Variants in SGCG observed in about 807,000 individuals in gnomAD.
The protein encoded by SGCG is gamma-sarcoglycan.
A neutral mutation model predicts 29.3 loss-of-function variants in SGCG; 26 were observed. That is an observed-to-expected ratio of 0.89 (90% CI 0.65 to 1.23). The LOEUF is 1.23. Ranked by LOEUF, SGCG falls within the 50% of genes most tolerant of loss-of-function variation. SGCG has a pLI of 0.00. For missense variants in SGCG, 353 were observed against 356.0 expected (o/e 0.99, Z 0.07); for synonymous variants, 145 against 129.7 (o/e 1.12, Z -0.80).
At position 23,293,700 on chromosome 13, in the gene SGCG, T is replaced by C. The variant is rs551790377; in HGVS notation, c.506-1715T>C. On this transcript the variant is annotated intron_variant, in intron 5 of 7. Transcript: ENST00000218867. ...ACAAAATATTAGCCGGGTGTGGTGG[T>C]GGGCACCTGTAGTCCCAGCTACTCA... Among the ~76,000 whole-genome samples the C allele has an allele frequency of 3.3e-3, 505 of 152,042 alleles. 5 individuals carry two copies. The highest frequency in any genetic ancestry group is 5.1e-3 in the Non-Finnish European group (346 of 67,956).
At chr13:23,224,961 A>G (rs906498512) in intron 2 of SGCG, among the ~76,000 whole-genome samples, 1 of 152,072 alleles carries the variant, frequency 6.6e-6, no homozygotes, top group Non-Finnish European at 1.5e-5. Flanking sequence ...CTTGCCAGTG[A>G]GCACGGTCCC....
At chr13:23,204,393 A>G (rs1314101743) in intron 2 of SGCG, among the ~76,000 whole-genome samples, 4 of 152,166 alleles carry the variant, frequency 2.6e-5, no homozygotes, top group African/African-American at 9.7e-5. Context: ...AAACATTCTT[A>G]TGTTTTAAAG....
At chr13:23,313,080 C>T (rs2137513107) in intron 6 of SGCG, among the ~76,000 whole-genome samples, 1 of 152,068 alleles carries the variant, frequency 6.6e-6, no homozygotes, top group South Asian at 2.1e-4. Flanking sequence ...GGTCTCTCAT[C>T]CTATTTGTAA....
intron 6 of SGCG, among the ~76,000 whole-genome samples, chr13:23,306,808 A>C (rs559547231): frequency 6.6e-5 from 10 of 152,352 alleles, no homozygotes; most frequent in Admixed American, 3.9e-4. Context: ...CATATCATCA[A>C]TTCAACAACT....
At chr13:23,201,886 T>C (rs147220221) in intron 1 of SGCG, among the ~76,000 whole-genome samples, 2 of 152,294 alleles carry the variant, frequency 1.3e-5, no homozygotes, top group African/African-American at 4.8e-5. Context: ...GTCTGTCCTT[T>C]ATAGGAATTC....
At chr13:23,243,277 A>T (rs549044636) in intron 3 of SGCG, among the ~76,000 whole-genome samples, 7 of 152,300 alleles carry the variant, frequency 4.6e-5, no homozygotes, top group Non-Finnish European at 8.8e-5. Flanking sequence ...CAGAGTATCT[A>T]CCAGCCACCC....
At chr13:23,210,908 G>C (rs942787877) in intron 2 of SGCG, among the ~76,000 whole-genome samples, 1 of 150,500 alleles carries the variant, frequency 6.6e-6, no homozygotes, top group African/African-American at 2.5e-5. Flanking sequence ...ACACAGACTT[G>C]TTGTCCTTGA....
In SGCG at chr13:23,259,685, C is replaced by A. The variant is rs552655244; in HGVS notation, c.385+8968C>A. 9.2e-5 allele frequency among the ~76,000 whole-genome samples: 14 copies of A among 152,290 alleles called. No individual in the cohort carries two copies. In the South Asian group the frequency reaches 2.1e-3, roughly 23 times the overall value. On this transcript the variant is annotated intron_variant, in intron 4 of 7. Transcript: ENST00000218867. Reference sequence around the variant, plus strand: ...TGCTTTCTCTTGTGGGCATTTAGTGCTATAAATTTCCCTCTACACACTGCT... The same window carrying A: ...TGCTTTCTCTTGTGGGCATTTAGTGATATAAATTTCCCTCTACACACTGCT...
At chr13:23,252,783 A>G (rs1003408496) in intron 4 of SGCG, among the ~76,000 whole-genome samples, 7 of 152,196 alleles carry the variant, frequency 4.6e-5, no homozygotes, top group African/African-American at 7.2e-5. Flanking sequence ...GGATTTTCGT[A>G]TATTATGCAA....
chr13:23,288,419 G>A (rs1371822483), intron 5 of SGCG, among the ~76,000 whole-genome samples: 3 of 152,110 alleles, frequency 2.0e-5, no homozygotes, highest in Non-Finnish European at 2.9e-5. Context: ...GACTCAAATT[G>A]CCATTCTTTG....
chr13:23,213,416 G>T (rs963186563), intron 2 of SGCG, among the ~76,000 whole-genome samples: 2 of 152,076 alleles, frequency 1.3e-5, no homozygotes, highest in Non-Finnish European at 2.9e-5. Flanking sequence ...CAGAAAGTAG[G>T]GGTTGCAGTG....
intron 2 of SGCG, among the ~76,000 whole-genome samples, chr13:23,208,189 C>T (rs557343542): frequency 1.3e-5 from 2 of 152,110 alleles, no homozygotes; most frequent in African/African-American, 2.4e-5. Context: ...AATTGCTTTT[C>T]TATCATGCAT....
At chr13:23,215,792 C>T (rs1463513164) in intron 2 of SGCG, among the ~76,000 whole-genome samples, 1 of 138,528 alleles carries the variant, frequency 7.2e-6, no homozygotes, top group Non-Finnish European at 1.6e-5. Context: ...ATAGAGTAAG[C>T]TGAGAGTTAA....
intron 1 of SGCG, among the ~76,000 whole-genome samples, chr13:23,182,575 C>A (rs1034656661): frequency 6.6e-6 from 1 of 152,180 alleles, no homozygotes; most frequent in Non-Finnish European, 1.5e-5. Context: ...TTGCAGGATC[C>A]ATCACTTGCT....
At chr13:23,181,698 A>G (rs1206015103) in intron 1 of SGCG, among the ~76,000 whole-genome samples, 1 of 152,236 alleles carries the variant, frequency 6.6e-6, no homozygotes, top group Non-Finnish European at 1.5e-5. Flanking sequence ...AAGTGGGGTA[A>G]AAGTACACAT....
intron 3 of SGCG, among the ~76,000 whole-genome samples, chr13:23,237,379 T>C (rs7323498): frequency 0.3 from 44,927 of 152,114 alleles, 6,865 homozygotes; most frequent in African/African-American, 0.38. Flanking sequence ...TGTGAAGTTC[T>C]CAGCCCTGAA....
chr13:23,190,885 G>C (rs74926956), intron 1 of SGCG, among the ~76,000 whole-genome samples: 1 of 152,100 alleles, frequency 6.6e-6, no homozygotes, highest in African/African-American at 2.4e-5. Flanking sequence ...TAAAATCCTC[G>C]TGTGTTAAAG....
At chr13:23,297,152 G>A (rs1881937185) in intron 6 of SGCG, among the ~76,000 whole-genome samples, 1 of 151,756 alleles carries the variant, frequency 6.6e-6, no homozygotes, top group Non-Finnish European at 1.5e-5. Context: ...TTACCTCAGA[G>A]TATTCTAGGA....
intron 6 of SGCG, among the ~76,000 whole-genome samples, chr13:23,307,369 G>A (rs578059852): frequency 5.3e-5 from 8 of 152,228 alleles, no homozygotes; most frequent in Non-Finnish European, 1.5e-5. Flanking sequence ...GATATTAGTA[G>A]TCTTTTTTTC....
Sources: gnomAD v4.1 joint callset for allele counts (sites outside exome capture counted in the v4.1 genomes callset) on GRCh38, gnomAD v4.1.1 for gene constraint, MANE v1.5 for transcripts, NCBI Gene and HGNC (gene_info 2026-07-23, HGNC 2026-07-21) for gene names.